AUTS2: variants seen among roughly 807,000 people sequenced by gnomAD.
AUTS2 encodes the protein autism susceptibility gene 2 protein.
A neutral mutation model predicts 112.4 loss-of-function variants in AUTS2; 17 were observed. The observed-to-expected ratio is 0.15, with a 90% CI of 0.10 to 0.23. AUTS2 has a LOEUF of 0.23. AUTS2 is among the 10% of genes least tolerant of loss of function. The pLI is 1.00. For synonymous variants in AUTS2, 751 were observed against 702.7 expected, an observed-to-expected ratio of 1.07 and a Z score of -1.09; for missense variants, 1,510 against 1,701.6, an observed-to-expected ratio of 0.89 and a Z score of 1.98.
intron 1 of AUTS2, among the ~76,000 whole-genome samples, chr7:69,664,614 G>A (rs979049703): frequency 1.3e-5 from 2 of 152,076 alleles, no homozygotes; most frequent in Non-Finnish European, 2.9e-5. Context: ...AGTGGTAGGT[G>A]GAAAGTACCC....
At chr7:69,924,127 G>A (rs1562971301) in intron 2 of AUTS2, among the ~76,000 whole-genome samples, 1 of 151,962 alleles carries the variant, frequency 6.6e-6, no homozygotes, top group Non-Finnish European at 1.5e-5. Context: ...TTCTAAGTTT[G>A]TCAGAATTTT....
At chr7:70,526,591 G>T (rs906321741) in intron 5 of AUTS2, among the ~76,000 whole-genome samples, 8 of 152,200 alleles carry the variant, frequency 5.3e-5, no homozygotes, top group African/African-American at 1.7e-4. Context: ...AGATTCACTT[G>T]TCTGGGAGGC....
intron 4 of AUTS2, among the ~76,000 whole-genome samples, chr7:70,372,751 A>G (rs1275079276): frequency 6.6e-6 from 1 of 152,028 alleles, no homozygotes; most frequent in Non-Finnish European, 1.5e-5. Flanking sequence ...AAGAGGAAAA[A>G]AAAATCAACC....
intron 4 of AUTS2, among the ~76,000 whole-genome samples, chr7:70,306,512 G>A (rs1312911833): frequency 6.6e-6 from 1 of 152,004 alleles, no homozygotes; most frequent in East Asian, 1.9e-4. Context: ...AAATATTAGT[G>A]TTTTTTTACC....
intron 4 of AUTS2, among the ~76,000 whole-genome samples, chr7:70,329,768 T>C (rs1790659758): frequency 6.6e-6 from 1 of 151,938 alleles, no homozygotes; most frequent in Non-Finnish European, 1.5e-5. Flanking sequence ...TTTAATTTGA[T>C]GAAGTCTTAG....
intron 5 of AUTS2, among the ~76,000 whole-genome samples, chr7:70,626,279 C>T (rs548709069): frequency 1.4e-5 from 2 of 147,118 alleles, no homozygotes; most frequent in East Asian, 4.1e-4. Context: ...ATCCCAGCAA[C>T]TCGGGAGGCC....
At chr7:70,429,626 A>G (rs1367180712) in intron 4 of AUTS2, among the ~76,000 whole-genome samples, 2 of 152,172 alleles carry the variant, frequency 1.3e-5, no homozygotes, top group Admixed American at 6.5e-5. Flanking sequence ...TTTGCAACCA[A>G]CCTGCTGTGA....
At chr7:70,197,149 T>G (rs1017325957) in intron 4 of AUTS2, among the ~76,000 whole-genome samples, 2 of 152,200 alleles carry the variant, frequency 1.3e-5, no homozygotes, top group African/African-American at 2.4e-5. Context: ...CATTTCTGTA[T>G]CTGCCACCTT....
intron 4 of AUTS2, among the ~76,000 whole-genome samples, chr7:70,271,321 C>T (rs1787682597): frequency 6.6e-6 from 1 of 152,104 alleles, no homozygotes; most frequent in Non-Finnish European, 1.5e-5. Flanking sequence ...CTTCCAAAGT[C>T]TTACCAATTA....
At chr7:70,230,043 T>G (rs1309277177) in intron 4 of AUTS2, among the ~76,000 whole-genome samples, 1 of 152,240 alleles carries the variant, frequency 6.6e-6, no homozygotes, top group Non-Finnish European at 1.5e-5. Context: ...TGAAGTCTTT[T>G]TCTGTTGAGT....
At chr7:69,623,373 G>A (rs11983891) in intron 1 of AUTS2, among the ~76,000 whole-genome samples, 86,873 of 140,922 alleles carry the variant, frequency 0.62, 26,866 homozygotes, top group East Asian at 0.7. Flanking sequence ...CCACCACCAC[G>A]CCCAGCAATT....
At chr7:70,521,101 G>T (rs1019234644) in intron 5 of AUTS2, among the ~76,000 whole-genome samples, 1 of 152,058 alleles carries the variant, frequency 6.6e-6, no homozygotes, top group South Asian at 2.1e-4. Flanking sequence ...CTAGGTGTTT[G>T]GTCACTGAGT....
intron 1 of AUTS2, among the ~76,000 whole-genome samples, chr7:69,642,300 A>G (rs542543522): frequency 2.0e-5 from 3 of 152,234 alleles, no homozygotes; most frequent in East Asian, 1.9e-4. Flanking sequence ...AAGGGAAGGG[A>G]AAAAAATGGC....
At position 70,543,490 on chromosome 7, in the gene AUTS2, C is replaced by T. The variant is rs182962880; in HGVS notation, c.690+107709C>T. 2.6e-4 allele frequency among the ~76,000 whole-genome samples: 39 copies of T among 150,086 alleles called. 1 individual carries two copies. In the East Asian group the frequency reaches 7.7e-3, roughly 30 times the overall value. ...GTTGTGCTGAGCTGAGATCGCACCA[C>T]TGCACTTGAGCCTAGGCGACAGAGT... On this transcript the variant is annotated intron_variant, in intron 5 of 18. Coordinates refer to ENST00000342771, the MANE Select transcript of AUTS2 (RefSeq NM_015570.4).
intron 5 of AUTS2, among the ~76,000 whole-genome samples, chr7:70,461,036 A>G (rs751209927): frequency 6.6e-6 from 1 of 152,164 alleles, no homozygotes; most frequent in Non-Finnish European, 1.5e-5. Context: ...GTGTCAGGTC[A>G]TAAAGGACCT....
intron 1 of AUTS2, among the ~76,000 whole-genome samples, chr7:69,659,092 A>G (rs1295514776): frequency 6.6e-6 from 1 of 152,234 alleles, no homozygotes; most frequent in Admixed American, 6.5e-5. Flanking sequence ...GTTTTGAGAC[A>G]GTGTCTTTAA....
intron 18 of AUTS2, among the ~76,000 whole-genome samples, chr7:70,788,796 C>G (rs182791487): frequency 1.3e-5 from 2 of 152,228 alleles, no homozygotes; most frequent in South Asian, 4.1e-4. Context: ...ACACCAGCAC[C>G]AAGCCAGCAT....
At chr7:70,739,594 A>G (rs1157202625) in intron 6 of AUTS2, among the ~76,000 whole-genome samples, 1 of 152,114 alleles carries the variant, frequency 6.6e-6, no homozygotes, top group South Asian at 2.1e-4. Context: ...TGACCTGCCC[A>G]AAGTCTCAAA....
intron 2 of AUTS2, among the ~76,000 whole-genome samples, chr7:69,940,703 G>A (rs1176436675): frequency 6.6e-6 from 1 of 152,216 alleles, no homozygotes; most frequent in Non-Finnish European, 1.5e-5. Context: ...AAGTCATAGA[G>A]GGAGACAGTA....
Sources: allele counts gnomAD v4.1 joint callset (sites outside exome capture counted in the v4.1 genomes callset), GRCh38; gene constraint gnomAD v4.1.1; transcripts MANE v1.5; gene names NCBI Gene and HGNC (gene_info 2026-07-23, HGNC 2026-07-21).